The following UXS1 variants were observed in gnomAD, a reference collection of about 807,000 sequenced individuals.
The protein encoded by UXS1 is UDP-glucuronate decarboxylase 1, also known as UDP-glucuronic acid decarboxylase 1.
In UXS1, 33 loss-of-function variants were observed where a neutral mutation model predicts 62.6. That is an observed-to-expected ratio of 0.53 (90% CI 0.40 to 0.70). The LOEUF is 0.70. Among genes scored for constraint, UXS1 ranks in the 30% least tolerant of loss-of-function variants. UXS1 has a pLI of 0.00. For synonymous variants in UXS1, 213 were observed against 206.8 expected, an observed-to-expected ratio of 1.03 and a Z score of -0.26; for missense variants, 434 against 556.3, an observed-to-expected ratio of 0.78 and a Z score of 2.21.
intron 3 of UXS1, 96 bp downstream of exon 3, chr2:106,164,640 A>G (rs1318172507): frequency 2.0e-6 from 2 of 975,908 alleles, no homozygotes; most frequent in African/African-American, 3.3e-5. Flanking sequence ...ACAGAACAGC[A>G]TCAAGCTGCC....
intron 7 of UXS1, among the ~76,000 whole-genome samples, chr2:106,127,953 G>A (rs985167188): frequency 2.3e-4 from 35 of 152,220 alleles, no homozygotes; most frequent in African/African-American, 7.7e-4. Flanking sequence ...TATCATCGAC[G>A]CTTGTGCCCG....
chr2:106,163,287 C>G (rs1245787980), intron 4 of UXS1, among the ~76,000 whole-genome samples: 1 of 151,406 alleles, frequency 6.6e-6, no homozygotes, highest in Non-Finnish European at 1.5e-5. Flanking sequence ...ACACATGACA[C>G]ACCATAGGCT....
At chr2:106,146,222 C>T (rs1002739207) in intron 5 of UXS1, among the ~76,000 whole-genome samples, 2 of 152,214 alleles carry the variant, frequency 1.3e-5, no homozygotes, top group South Asian at 2.1e-4. Flanking sequence ...AGAAAACAGA[C>T]GTGCCATGCA....
intron 10 of UXS1, among the ~76,000 whole-genome samples, chr2:106,107,477 G>A (rs1388877143): frequency 6.6e-6 from 1 of 152,200 alleles, no homozygotes; most frequent in Non-Finnish European, 1.5e-5. Flanking sequence ...AGCCCTGGAG[G>A]AACACAATCC....
intron 5 of UXS1, 129 bp downstream of exon 5, chr2:106,157,929 C>A (rs1363199493): frequency 1.2e-6 from 1 of 814,420 alleles, no homozygotes; most frequent in East Asian, 2.7e-5. Flanking sequence ...GGTGCTAACT[C>A]TGTGGACATA....
chr2:106,136,979 A>AAG (rs1680702023), intron 6 of UXS1, among the ~76,000 whole-genome samples: 1 of 148,276 alleles, frequency 6.7e-6, no homozygotes, highest in Non-Finnish European at 1.5e-5. Context: ...AAAAAAAAAA[A>AAG]AAAAAAAGAA....
chr2:106,125,172 A>T (rs1487917044), intron 8 of UXS1, among the ~76,000 whole-genome samples: 1 of 152,216 alleles, frequency 6.6e-6, no homozygotes, highest in Non-Finnish European at 1.5e-5. Context: ...AGAACTCGTT[A>T]TACAACAGGG....
chr2:106,110,713 G>A (rs1372692680), intron 10 of UXS1, among the ~76,000 whole-genome samples: 3 of 152,158 alleles, frequency 2.0e-5, no homozygotes, highest in Non-Finnish European at 2.9e-5. Context: ...CTGCGCCCAC[G>A]TACCTGGTGG....
intron 4 of UXS1, among the ~76,000 whole-genome samples, chr2:106,162,842 C>A (rs893245843): frequency 7.2e-5 from 11 of 152,202 alleles, no homozygotes; most frequent in Admixed American, 2.0e-4. Context: ...TCCCTTCGAT[C>A]ATTTAATGAA....
chr2:106,164,774 C>T lies in UXS1; in HGVS notation c.148G>A (p.Glu50Lys), dbSNP rs568904103. 2.5e-6 allele frequency: 4 copies of T among 1,590,788 alleles called. No homozygotes were observed. In the East Asian group the frequency reaches 6.8e-5, roughly 27 times the overall value. ...CTTTCAATTTTTAGTTCACCATTTT[C>T]CTGGATAGACCTGTTGAGTAGAAAG... ...MSFLLNRSIQENGELKIESKI... is the reference protein window; with the variant it reads ...MSFLLNRSIQKNGELKIESKI... The change falls in exon 3 of 15, where the codon GAA becomes AAA. Residue 50 changes from glutamate (E) to lysine (K), a missense_variant. Transcript: ENST00000283148.
chr2:106,126,525 C>A (rs1475885116), intron 7 of UXS1, among the ~76,000 whole-genome samples: 1 of 152,136 alleles, frequency 6.6e-6, no homozygotes, highest in Non-Finnish European at 1.5e-5. Flanking sequence ...GAGCCAGGCA[C>A]ATGCAACCTA....
In UXS1 at chr2:106,129,690, C is replaced by T. The variant is rs748266686; in HGVS notation, c.561G>A (p.Gly187=). 2 of 1,610,980 alleles carry T rather than the reference C, an allele frequency of 1.2e-6. No homozygotes were observed. Among genetic ancestry groups the T allele is most frequent in the Admixed American group, 3.3e-5 (2 of 59,720 alleles). ...PIKTLKTNTI[G]TLNMLGLAKR... Reference sequence around the variant, plus strand: ...ACAACTTACCCAACATGTTTAATGTCCCAATCGTATTGGTCTTTAATGTCT... The same window carrying T: ...ACAACTTACCCAACATGTTTAATGTTCCAATCGTATTGGTCTTTAATGTCT... Residue 187 remains glycine, a synonymous_variant, in exon 7 of 15, where the codon GGG becomes GGA. Transcript: ENST00000283148.
chr2:106,129,685 A>G lies in UXS1; in HGVS notation c.566T>C (p.Leu189Ser), dbSNP rs1680268288. 1.6e-5 allele frequency: 25 copies of G among 1,610,152 alleles called. No homozygotes were observed. The highest frequency in any genetic ancestry group is 2.1e-5 in the Non-Finnish European group (25 of 1,177,704). The change falls in exon 7 of 15, where the codon TTA becomes TCA. Residue 189 changes from leucine (L) to serine (S), a missense_variant. Around this residue, in one of 3 missense-constraint regions of UXS1, gnomAD observed 134 missense variants for 251.9 expected, o/e 0.53. Transcript: ENST00000283148. ...AAATGACAACTTACCCAACATGTTT[A>G]ATGTCCCAATCGTATTGGTCTTTAA... ...KTLKTNTIGT[L>S]NMLGLAKRVG...
intron 4 of UXS1, among the ~76,000 whole-genome samples, chr2:106,162,799 C>T (rs1000580290): frequency 6.6e-6 from 1 of 152,168 alleles, no homozygotes; most frequent in Admixed American, 6.5e-5. Flanking sequence ...GTGAATGACA[C>T]ATTTTGTTTA....
chr2:106,144,941 C>CTTCCTGTAGTAACT (rs1483260257), intron 6 of UXS1, among the ~76,000 whole-genome samples: 1 of 152,160 alleles, frequency 6.6e-6, no homozygotes, highest in African/African-American at 2.4e-5. Context: ...AGGAAAGTTA[C>CTTCCTGTAGTAACT]TTCAACAGGT....
intron 11 of UXS1, 149 bp downstream of exon 11, chr2:106,104,645 C>T (rs1677895188): frequency 3.3e-6 from 3 of 910,012 alleles, no homozygotes; most frequent in Middle Eastern, 2.9e-4. Context: ...GCAAGTTTTC[C>T]CATCATAAAA....
intron 1 of UXS1, among the ~76,000 whole-genome samples, chr2:106,184,809 C>T (rs766803990): frequency 3.9e-5 from 6 of 152,136 alleles, no homozygotes; most frequent in Non-Finnish European, 7.4e-5. Flanking sequence ...ACAGAAGTAC[C>T]ATACATATCA....
intron 9 of UXS1, among the ~76,000 whole-genome samples, chr2:106,121,468 C>T (rs757695741): frequency 6.6e-6 from 1 of 152,168 alleles, no homozygotes; most frequent in East Asian, 1.9e-4. Flanking sequence ...AGTTGAGAAT[C>T]ATATCACTCC....
At chr2:106,156,734 G>A (rs898503791) in intron 5 of UXS1, among the ~76,000 whole-genome samples, 2 of 152,024 alleles carry the variant, frequency 1.3e-5, no homozygotes, top group African/African-American at 2.4e-5. Context: ...ATACTGTATT[G>A]TTTAGGGAAT....
Sources: gnomAD v4.1 joint callset for allele counts (sites outside exome capture counted in the v4.1 genomes callset) on GRCh38, gnomAD v4.1.1 for gene constraint, gnomAD v4.1.1 regional missense constraint, MANE v1.5 for transcripts, NCBI Gene and HGNC (gene_info 2026-07-23, HGNC 2026-07-21) for gene names.